The following NOP56 variants were observed in gnomAD, a reference collection of about 807,000 sequenced individuals.
NOP56 encodes the protein nucleolar protein 56.
In NOP56, 31 loss-of-function variants were observed where a neutral mutation model predicts 58.3. The ratio of observed to expected loss-of-function variants is 0.53; its 90% CI spans 0.40 to 0.72. The LOEUF (loss-of-function observed/expected upper bound fraction) is 0.72, where lower values mean the gene tolerates loss of function less well. NOP56 is among the 30% of genes least tolerant of loss of function. The pLI is 0.00. For synonymous variants in NOP56, 313 were observed against 282.8 expected (o/e 1.11, Z -1.07); for missense variants, 669 against 739.9 (o/e 0.90, Z 1.11).
At chr20:2,656,723 G>A in intron 9 of NOP56, 51 bp from the exon 10 acceptor site, 2 of 1,614,004 alleles carry the variant, frequency 1.2e-6, no homozygotes, top group South Asian at 1.1e-5. Flanking sequence ...CACAGGGTTG[G>A]GGTAGTTTCT....
chr20:2,653,411 A>G lies in NOP56; in HGVS notation c.208+18A>G, dbSNP rs1046035761. On this transcript the variant is annotated intron_variant, in intron 3 of 11. Transcript: ENST00000329276. The stretch of plus-strand genomic sequence containing the variant: ...GTCTGAAGGTAAGTCGGCCACCGCC[A>G]AGTGTCACAGAGAGATGTGGTTCCT... 1.9e-6 allele frequency: 3 copies of G among 1,594,638 alleles called. No individual in the cohort carries two copies. In the East Asian group the frequency reaches 6.7e-5, roughly 36 times the overall value.
rs754696610 is a variant in NOP56 at position 2,653,384 on chromosome 20, G to A, written c.199G>A (p.Val67Met). The change falls in exon 3 of 12, where the codon GTG (valine) becomes ATG (methionine). Residue 67 changes from valine to methionine, a missense_variant. By Grantham distance (21) the Val-to-Met change is conservative. Transcript: ENST00000329276. ...SQVALENANA[V>M]SEGVVHEDLR... is the part of the protein sequence containing the mutation. Reference sequence around the variant, plus strand: ...GGTTGCCTTGGAAAATGCCAACGCCGTGTCTGAAGGTAAGTCGGCCACCGC... The same window carrying A: ...GGTTGCCTTGGAAAATGCCAACGCCATGTCTGAAGGTAAGTCGGCCACCGC... The A allele has an allele frequency of 2.5e-6, 4 of 1,613,630 alleles. No homozygotes were observed. The highest frequency in any genetic ancestry group is 2.7e-5 in the African/African-American group (2 of 74,894).
chr20:2,654,307 A>T, intron 3 of NOP56, 107 bp from the exon 4 acceptor site: 1 of 1,094,836 alleles, frequency 9.1e-7, no homozygotes, highest in Non-Finnish European at 1.4e-6. Context: ...GGAGGGATCT[A>T]GGTATGCCAT....
chr20:2,657,185 A>G lies in NOP56; in HGVS notation c.1386A>G (p.Ser462=). Residue 462 remains serine, a synonymous_variant, in exon 11 of 12, where the codon TCA becomes TCG. Coordinates refer to ENST00000329276, the MANE Select transcript of NOP56 (RefSeq NM_006392.4). ...KRLAALALAS[S]ENSSSTPEEC... Reference sequence around the variant, plus strand: ...TGGCTGCACTTGCCCTCGCGTCTTCAGAAAACAGCAGTAGTACTCCAGAGG... The same window carrying G: ...TGGCTGCACTTGCCCTCGCGTCTTCGGAAAACAGCAGTAGTACTCCAGAGG... 6.2e-7 allele frequency: 1 copy of G among 1,614,206 alleles called. No individual in the cohort carries two copies.
In NOP56 at chr20:2,654,566, A is replaced by G. The variant is rs2273137; in HGVS notation, c.361A>G (p.Ile121Val). Residue 121 changes from isoleucine (I) to valine (V), a missense_variant, in exon 4 of 12, where the codon ATC becomes GTC. Transcript: ENST00000329276. ...NCQTGGVIAE[I>V]LRGVRLHFHN... ...CCAGACTGGAGGAGTCATAGCTGAG[A>G]TCCTGCGAGGTGAGACCATCATCTG... 0.087 allele frequency: 139,821 copies of G among 1,613,908 alleles called. 7,265 individuals are homozygous for G. Among genetic ancestry groups the G allele is most frequent in the East Asian group, 0.23 (10,396 of 44,862 alleles).
At chr20:2,655,831 C>G in intron 7 of NOP56, 85 bp downstream of exon 7, 1 of 1,610,300 alleles carries the variant, frequency 6.2e-7, no homozygotes, top group Non-Finnish European at 8.5e-7. Flanking sequence ...CCCACCATGT[C>G]TTCCCTAGTT....
intron 2 of NOP56, 79 bp downstream of exon 2, chr20:2,653,010 A>C: frequency 3.0e-6 from 4 of 1,315,660 alleles, no homozygotes; most frequent in Non-Finnish European, 3.1e-6. Flanking sequence ...GCGCGCTCCC[A>C]CGTGGCCGGC....
At position 2,658,046 on chromosome 20, in the gene NOP56, T is replaced by G; in HGVS notation, c.1537T>G (p.Ser513Ala). The change falls in exon 12 of 12, where the codon TCC becomes GCC. Residue 513 changes from serine to alanine, a missense_variant. Physicochemically the swap from Ser to Ala is moderately conservative, Grantham distance 99. This residue lies in a region of NOP56 where 209 missense variants were observed against 196.2 expected (regional missense o/e 1.07). Coordinates refer to ENST00000329276, the MANE Select transcript of NOP56 (RefSeq NM_006392.4). ...FSKPKKKKSF[S>A]KEELMSSDLE... is the part of the protein sequence containing the mutation. The stretch of plus-strand genomic sequence containing the variant: ...CAAACCCAAGAAAAAGAAATCTTTT[T>G]CCAAGGAGGAGTTGATGAGTAGCGA... 2 of 1,613,582 alleles carry G rather than the reference T, an allele frequency of 1.2e-6. No homozygotes were observed. The highest frequency in any genetic ancestry group is 1.7e-6 in the Non-Finnish European group (2 of 1,179,552).
chr20:2,656,189 G>A (rs2086814794), intron 8 of NOP56, 155 bp downstream of exon 8: 2 of 1,606,110 alleles, frequency 1.2e-6, no homozygotes, highest in Non-Finnish European at 1.7e-6. Context: ...GATTCCCAGG[G>A]CCCAGCAAAG....
intron 11 of NOP56, chr20:2,657,708 GT>G (rs35964304): frequency 0.016 from 7,566 of 470,642 alleles, no homozygotes; most frequent in South Asian, 0.023. Context: ...TGTTTTTTAG[GT>G]TTTTTTTTTT....
chr20:2,654,620 G>A (rs372112956), intron 4 of NOP56, 45 bp downstream of exon 4: 6 of 1,609,620 alleles, frequency 3.7e-6, no homozygotes, highest in South Asian at 2.2e-5. Context: ...GGACATTTTG[G>A]GGGAGGAGGT....
At chr20:2,652,810 C>T (rs757402015) in intron 1 of NOP56, 32 bp from the exon 2 acceptor site, 13 of 1,594,930 alleles carry the variant, frequency 8.2e-6, no homozygotes, top group Middle Eastern at 1.8e-4. Flanking sequence ...GCTGAGGTTG[C>T]GTTGACGCTC....
At position 2,657,203 on chromosome 20, in the gene NOP56, T is replaced by C. The variant is rs1421757621; in HGVS notation, c.1404T>C (p.Thr468=). ...CGTCTTCAGAAAACAGCAGTAGTAC[T>C]CCAGAGGAGTGTGAGGTCAGTAGGC... ...ALASSENSSS[T]PEECEEMSEK... is the part of the protein sequence containing the mutation. Residue 468 remains threonine, a synonymous_variant, in exon 11 of 12, where the codon ACT becomes ACC. Transcript: ENST00000329276. 1.9e-6 allele frequency: 3 copies of C among 1,614,086 alleles called. No homozygotes were observed. Among genetic ancestry groups the C allele is most frequent in the Admixed American group, 1.7e-5 (1 of 60,008 alleles).
At position 2,658,214 on chromosome 20, in the gene NOP56, A is replaced by G. The variant is rs754071190; in HGVS notation, c.1705A>G (p.Ser569Gly). 1.9e-6 allele frequency: 3 copies of G among 1,605,388 alleles called. No individual in the cohort carries two copies. The highest frequency in any genetic ancestry group is 4.5e-5 in the East Asian group (2 of 44,768). The stretch of plus-strand genomic sequence containing the variant: ...GAAATTCTCCAAAGAGGAGCCGGTC[A>G]GCAGTGGGCCTGAAGAGGCGGTTGG... ...KRKFSKEEPV[S>G]SGPEEAVGKS... Residue 569 changes from serine to glycine, a missense_variant, in exon 12 of 12, where the codon AGC becomes GGC. By Grantham distance (56) the Ser-to-Gly change is moderately conservative. Around this residue, in one of 3 missense-constraint regions of NOP56, gnomAD observed 209 missense variants for 196.2 expected, o/e 1.07. Transcript: ENST00000329276.
intron 1 of NOP56, 38 bp from the exon 2 acceptor site, chr20:2,652,804 A>T: frequency 6.3e-7 from 1 of 1,586,972 alleles, no homozygotes; most frequent in Non-Finnish European, 8.6e-7. Context: ...GCAGACGCTG[A>T]GGTTGCGTTG....
intron 8 of NOP56, 179 bp downstream of exon 8, chr20:2,656,213 A>T: frequency 6.2e-7 from 1 of 1,604,832 alleles, no homozygotes; most frequent in Non-Finnish European, 8.5e-7. Flanking sequence ...CCAAGTTTCC[A>T]GGTCAGCGAC....
rs747389416 is a variant in NOP56 at position 2,655,501 on chromosome 20, G to A, written c.746G>A (p.Arg249Gln). 37 of 1,614,186 alleles carry A rather than the reference G, an allele frequency of 2.3e-5. No individual in the cohort carries two copies. Among genetic ancestry groups the A allele is most frequent in the Middle Eastern group, 1.6e-4 (1 of 6,062 alleles). Reference protein sequence around the residue: ...AKAKAILDASRSSMGMDISAI... With the variant: ...AKAKAILDASQSSMGMDISAI... ...GCTAAGGCTATTCTGGATGCCTCAC[G>A]GTCCTCCATGGGTCAGTGCAGAGCC... is the stretch of plus-strand genomic sequence containing the variant. The change falls in exon 6 of 12, where the codon CGG (arginine) becomes CAG (glutamine). Residue 249 changes from arginine to glutamine, a missense_variant. Transcript: ENST00000329276.
chr20:2,652,758 C>CTGG (rs55762518), intron 1 of NOP56, 84 bp from the exon 2 acceptor site: 1 of 1,195,636 alleles, frequency 8.4e-7, no homozygotes, highest in Non-Finnish European at 1.2e-6. Context: ...CCTGGGCCTG[C>CTGG]GCCTGCGCCT....
In NOP56 at chr20:2,656,047, GCACCTGCC is replaced by G; in HGVS notation, c.1010+17_1010+24del. ...AGGCCCTGTTCAGGTACCAGTGAGG[GCACCTGCC>G]CACAATCAGGTGCCACTTCTGGTGC... On this transcript the variant is annotated intron_variant, in intron 8 of 11. Coordinates refer to ENST00000329276, the MANE Select transcript of NOP56 (RefSeq NM_006392.4). The G allele has an allele frequency of 6.2e-7, 1 of 1,614,076 alleles. No individual in the cohort carries two copies. The highest frequency in any genetic ancestry group is 1.1e-5 in the South Asian group (1 of 91,082).
Sources: gnomAD v4.1 joint callset for allele counts on GRCh38, gnomAD v4.1.1 for gene constraint, gnomAD v4.1.1 regional missense constraint, MANE v1.5 for transcripts, NCBI Gene and HGNC (gene_info 2026-07-23, HGNC 2026-07-21) for gene names.